The following KCNAB1 variants were observed in gnomAD, a reference collection of about 807,000 sequenced individuals.
KCNAB1 encodes potassium voltage-gated channel subfamily A regulatory beta subunit 1, also known as voltage-gated potassium channel subunit beta-1.
In KCNAB1, 35 loss-of-function variants were observed where a neutral mutation model predicts 64.6. That is an observed-to-expected ratio of 0.54 (90% CI 0.41 to 0.72). The LOEUF (loss-of-function observed/expected upper bound fraction) is 0.72, where lower values mean the gene tolerates loss of function less well. Ranked by LOEUF, KCNAB1 falls within the 30% of genes least tolerant of loss-of-function variation. The pLI, the probability that KCNAB1 is intolerant of heterozygous loss-of-function variation, is 0.00. For synonymous variants in KCNAB1, 177 were observed against 183.8 expected, an observed-to-expected ratio of 0.96 and a Z score of 0.30; for missense variants, 401 against 512.9, an observed-to-expected ratio of 0.78 and a Z score of 2.11.
chr3:156,456,668 G>T (rs981140936), intron 3 of KCNAB1, among the ~76,000 whole-genome samples: 1 of 152,222 alleles, frequency 6.6e-6, no homozygotes, highest in African/African-American at 2.4e-5. Flanking sequence ...AAAATTATTT[G>T]TGAGGTGTGT....
At chr3:156,334,410 G>A (rs1723543804) in intron 1 of KCNAB1, among the ~76,000 whole-genome samples, 1 of 152,134 alleles carries the variant, frequency 6.6e-6, no homozygotes, top group Non-Finnish European at 1.5e-5. Context: ...CCTTGGAAGG[G>A]CCTTCTCTTT....
At chr3:156,440,550 A>T (rs1229993296) in intron 2 of KCNAB1, among the ~76,000 whole-genome samples, 4 of 152,230 alleles carry the variant, frequency 2.6e-5, no homozygotes, top group African/African-American at 9.6e-5. Context: ...ATGTACCAAC[A>T]TTGTTTTATG....
At chr3:156,315,698 A>G (rs1432592024) in intron 1 of KCNAB1, among the ~76,000 whole-genome samples, 1 of 152,172 alleles carries the variant, frequency 6.6e-6, no homozygotes, top group Non-Finnish European at 1.5e-5. Flanking sequence ...TTATCTATTC[A>G]TGTGGGATAA....
chr3:156,292,494 A>G (rs1303540114), intron 1 of KCNAB1, among the ~76,000 whole-genome samples: 2 of 152,156 alleles, frequency 1.3e-5, no homozygotes, highest in Non-Finnish European at 2.9e-5. Flanking sequence ...CTGGGATTAT[A>G]CTATCAGAAA....
At chr3:156,377,434 C>T (rs996285599) in intron 1 of KCNAB1, among the ~76,000 whole-genome samples, 1 of 152,072 alleles carries the variant, frequency 6.6e-6, no homozygotes, top group African/African-American at 2.4e-5. Flanking sequence ...GGGAAGAATG[C>T]CAGGCCAGGG....
At chr3:156,143,768 T>G in intron 1 of KCNAB1, among the ~76,000 whole-genome samples, 1 of 151,262 alleles carries the variant, frequency 6.6e-6, no homozygotes, top group African/African-American at 2.4e-5. Flanking sequence ...GGAAAGAGAA[T>G]TTATAAGTTA....
intron 1 of KCNAB1, among the ~76,000 whole-genome samples, chr3:156,312,089 TA>T (rs1369404644): frequency 1.3e-5 from 2 of 152,232 alleles, no homozygotes; most frequent in African/African-American, 2.4e-5. Flanking sequence ...AATGCATTAG[TA>T]ACTATGGGAA....
At chr3:156,445,477 A>G (rs1464263462) in intron 2 of KCNAB1, among the ~76,000 whole-genome samples, 3 of 152,242 alleles carry the variant, frequency 2.0e-5, no homozygotes, top group Non-Finnish European at 4.4e-5. Context: ...GTGAGGAATC[A>G]GGTCAGCAAT....
chr3:156,367,929 C>T (rs1259834471), intron 1 of KCNAB1, among the ~76,000 whole-genome samples: 1 of 152,194 alleles, frequency 6.6e-6, no homozygotes, highest in African/African-American at 2.4e-5. Flanking sequence ...AAACTCCAAA[C>T]AAACAATGTC....
intron 6 of KCNAB1, among the ~76,000 whole-genome samples, chr3:156,464,432 C>T (rs1713183037): frequency 6.6e-6 from 1 of 151,918 alleles, no homozygotes; most frequent in Non-Finnish European, 1.5e-5. Context: ...TTCCATATAC[C>T]AGAGCAATCA....
At chr3:156,468,216 T>A (rs1576905663) in intron 7 of KCNAB1, among the ~76,000 whole-genome samples, 1 of 152,282 alleles carries the variant, frequency 6.6e-6, no homozygotes, top group East Asian at 1.9e-4. Flanking sequence ...TGAAATATCT[T>A]AGACTTGCAA....
At chr3:156,169,112 A>G (rs923360747) in intron 1 of KCNAB1, among the ~76,000 whole-genome samples, 3 of 152,192 alleles carry the variant, frequency 2.0e-5, no homozygotes, top group African/African-American at 7.2e-5. Context: ...CGTATTATCC[A>G]CTTGTATCTA....
rs963655129 is a variant in KCNAB1, at chr3:156,204,602, G to A, written c.275+83716G>A. Among the ~76,000 whole-genome samples the A allele has an allele frequency of 4.0e-5, 6 of 151,642 alleles. No individual in the cohort carries two copies. In the East Asian group the frequency reaches 9.8e-4, roughly 25 times the overall value. ...TCTCAGCACTTTGGGAGGCCGAGGC[G>A]GGTGGATCACTTGAGGCCAGGAATT... On this transcript the variant is annotated intron_variant, in intron 1 of 13. Coordinates refer to ENST00000490337, the MANE Select transcript of KCNAB1 (RefSeq NM_172160.3).
At chr3:156,477,172 A>T (rs889420957) in intron 8 of KCNAB1, among the ~76,000 whole-genome samples, 6 of 152,214 alleles carry the variant, frequency 3.9e-5, no homozygotes, top group African/African-American at 1.2e-4. Context: ...AATTTATTTT[A>T]AAAATCTTCA....
chr3:156,439,143 A>G (rs570455955), intron 2 of KCNAB1, among the ~76,000 whole-genome samples: 1 of 152,126 alleles, frequency 6.6e-6, no homozygotes, highest in Non-Finnish European at 1.5e-5. Flanking sequence ...TTTAAACAAG[A>G]TAATGTCTAT....
At chr3:156,390,750 T>A (rs1205331036) in intron 1 of KCNAB1, among the ~76,000 whole-genome samples, 2 of 135,778 alleles carry the variant, frequency 1.5e-5, no homozygotes, top group Admixed American at 6.9e-5. Flanking sequence ...GCCCGGCTAA[T>A]TTTTTTTTGT....
At chr3:156,346,771 C>T (rs986699634) in intron 1 of KCNAB1, among the ~76,000 whole-genome samples, 3 of 152,018 alleles carry the variant, frequency 2.0e-5, no homozygotes, top group African/African-American at 7.2e-5. Context: ...TAGGAAAAAT[C>T]CAGAAGTTGA....
chr3:156,279,899 T>C (rs1359521832), intron 1 of KCNAB1, among the ~76,000 whole-genome samples: 5 of 149,326 alleles, frequency 3.3e-5, no homozygotes, highest in African/African-American at 7.4e-5. Flanking sequence ...TGCGAAAATT[T>C]TCTCCCATTT....
intron 1 of KCNAB1, among the ~76,000 whole-genome samples, chr3:156,269,455 A>C (rs1371686849): frequency 6.6e-6 from 1 of 152,204 alleles, no homozygotes; most frequent in Non-Finnish European, 1.5e-5. Flanking sequence ...TGGCAAGAAG[A>C]ATGTGCATTC....
Sources: gnomAD v4.1 joint callset for allele counts (sites outside exome capture counted in the v4.1 genomes callset) on GRCh38, gnomAD v4.1.1 for gene constraint, MANE v1.5 for transcripts, NCBI Gene and HGNC (gene_info 2026-07-23, HGNC 2026-07-21) for gene names.